The following CDC73 variants were observed in gnomAD, a reference collection of about 807,000 sequenced individuals.
CDC73 encodes the protein cell division cycle 73, also known as parafibromin.
A neutral mutation model predicts 83.7 loss-of-function variants in CDC73; 21 were observed. The ratio of observed to expected loss-of-function variants is 0.25; its 90% CI spans 0.18 to 0.36. CDC73 has a LOEUF of 0.36. Ranked by LOEUF, CDC73 falls within the 10% of genes least tolerant of loss-of-function variation. The pLI, the probability that CDC73 is intolerant of heterozygous loss-of-function variation, is 1.00. For missense variants in CDC73, 342 were observed against 653.3 expected, an observed-to-expected ratio of 0.52 and a Z score of 5.19; for synonymous variants, 224 against 212.9, an observed-to-expected ratio of 1.05 and a Z score of -0.45.
intron 3 of CDC73, among the ~76,000 whole-genome samples, chr1:193,132,005 T>C (rs920348133): frequency 1.3e-5 from 2 of 152,242 alleles, no homozygotes; most frequent in African/African-American, 4.8e-5. Flanking sequence ...TTGTTTGTCT[T>C]GTTAAATACC....
rs550094789 is a variant in CDC73, at chr1:193,222,231, G to A, written c.1154+9754G>A. On this transcript the variant is annotated intron_variant, in intron 13 of 16. Transcript: ENST00000367435. The stretch of plus-strand genomic sequence containing the variant: ...TTGGCCATGTTGGCAGCCACATGGG[G>A]CCGAGTTCCAAAGAGGAAAGATTGT... 6.0e-4 allele frequency among the ~76,000 whole-genome samples: 92 copies of A among 152,298 alleles called. No individual in the cohort carries two copies. In the Middle Eastern group the frequency reaches 0.01, roughly 17 times the overall value.
At chr1:193,132,480 C>CT (rs1051171913) in intron 3 of CDC73, among the ~76,000 whole-genome samples, 99 of 150,144 alleles carry the variant, frequency 6.6e-4, no homozygotes, top group Non-Finnish European at 1.1e-3. Context: ...ATAGAAGAAA[C>CT]TTTTTTTTTT....
intron 8 of CDC73, among the ~76,000 whole-genome samples, chr1:193,148,639 ATTTTTTT>A (rs894987430): frequency 7.0e-4 from 80 of 113,682 alleles, no homozygotes; most frequent in Admixed American, 1.3e-3. Context: ...AAAATTTATA[ATTTTTTT>A]TTTTTTTTTT....
intron 13 of CDC73, among the ~76,000 whole-genome samples, chr1:193,215,607 T>G (rs74380959): frequency 6.6e-6 from 1 of 151,904 alleles, no homozygotes; most frequent in Non-Finnish European, 1.5e-5. Flanking sequence ...TTTTTTTTTT[T>G]GAGACAGGGT....
intron 10 of CDC73, among the ~76,000 whole-genome samples, chr1:193,197,107 C>G (rs938404089): frequency 1.3e-5 from 2 of 152,082 alleles, no homozygotes; most frequent in African/African-American, 4.8e-5. Flanking sequence ...GAGGACATTG[C>G]CTTCCATTCC....
At chr1:193,159,155 G>T (rs1200713089) in intron 10 of CDC73, among the ~76,000 whole-genome samples, 3 of 152,052 alleles carry the variant, frequency 2.0e-5, no homozygotes, top group Admixed American at 6.5e-5. Context: ...TAATGTTCTG[G>T]TTATAGATTT....
intron 13 of CDC73, among the ~76,000 whole-genome samples, chr1:193,222,165 A>G (rs1677482382): frequency 6.6e-6 from 1 of 152,366 alleles, no homozygotes; most frequent in East Asian, 1.9e-4. Flanking sequence ...TTGGAACTGT[A>G]AGGTTATTTA....
intron 15 of CDC73, among the ~76,000 whole-genome samples, chr1:193,245,500 C>T (rs1677938651): frequency 6.6e-6 from 1 of 152,016 alleles, no homozygotes; most frequent in Non-Finnish European, 1.5e-5. Context: ...ACATGTATGC[C>T]ACATTTTCTT....
chr1:193,242,953 TTC>T (rs1269893031), intron 15 of CDC73, among the ~76,000 whole-genome samples: 9 of 148,256 alleles, frequency 6.1e-5, no homozygotes, highest in African/African-American at 2.3e-4. Flanking sequence ...CTTCTTCTTC[TTC>T]TTTTTTTTTT....
chr1:193,141,751 T>C, intron 6 of CDC73, 99 bp from the exon 7 acceptor site: 1 of 764,996 alleles, frequency 1.3e-6, no homozygotes, highest in Non-Finnish European at 2.3e-6. Flanking sequence ...TATTGCCATG[T>C]AAGTGTTTTT....
chr1:193,166,210 C>T (rs1001976043), intron 10 of CDC73, among the ~76,000 whole-genome samples: 6 of 152,042 alleles, frequency 3.9e-5, no homozygotes, highest in Non-Finnish European at 8.8e-5. Context: ...CTCTGTCACC[C>T]AGGCTGGAAT....
chr1:193,132,566 G>A (rs554802910), intron 3 of CDC73, among the ~76,000 whole-genome samples: 23 of 151,762 alleles, frequency 1.5e-4, no homozygotes, highest in African/African-American at 5.6e-4. Context: ...TCCTCCCTTG[G>A]CCTCCCAAAG....
intron 10 of CDC73, among the ~76,000 whole-genome samples, chr1:193,184,948 A>G (rs1676779657): frequency 6.6e-6 from 1 of 151,928 alleles, no homozygotes; most frequent in Non-Finnish European, 1.5e-5. Context: ...AGGATCTTTG[A>G]TAGATTTGTA....
chr1:193,163,160 TGTGTGTGTGTGTGTGTGG>T (rs1676371101), intron 10 of CDC73, among the ~76,000 whole-genome samples: 1 of 151,062 alleles, frequency 6.6e-6, no homozygotes, highest in South Asian at 2.1e-4. Context: ...GTTGTGTGTG[TGTGTGTGTGTGTGTGTGG>T]GTGTGTGTGT....
At chr1:193,184,176 T>C (rs1676767011) in intron 10 of CDC73, among the ~76,000 whole-genome samples, 1 of 151,896 alleles carries the variant, frequency 6.6e-6, no homozygotes. Context: ...GCTGTTGAGA[T>C]ATTAAATCCA....
At chr1:193,204,987 T>A (rs979999895) in intron 11 of CDC73, among the ~76,000 whole-genome samples, 11 of 152,136 alleles carry the variant, frequency 7.2e-5, no homozygotes, top group Non-Finnish European at 1.2e-4. Flanking sequence ...CATTTTTTTT[T>A]AAAATGTGTT....
intron 10 of CDC73, among the ~76,000 whole-genome samples, chr1:193,152,828 G>GGA (rs1676142424): frequency 6.6e-6 from 1 of 152,054 alleles, no homozygotes; most frequent in South Asian, 2.1e-4. Context: ...CGCCCAGGCT[G>GGA]GAGTGCAGTG....
chr1:193,221,357 A>G (rs1363441107), intron 13 of CDC73, among the ~76,000 whole-genome samples: 2 of 152,106 alleles, frequency 1.3e-5, no homozygotes, highest in African/African-American at 2.4e-5. Flanking sequence ...AGTTCCCATG[A>G]TGCTTCATTA....
At chr1:193,196,526 A>G (rs1677005486) in intron 10 of CDC73, among the ~76,000 whole-genome samples, 1 of 152,178 alleles carries the variant, frequency 6.6e-6, no homozygotes, top group African/African-American at 2.4e-5. Context: ...TTGAGTTTTG[A>G]TAGGGATTGT....
Sources: allele counts gnomAD v4.1 joint callset (sites outside exome capture counted in the v4.1 genomes callset), GRCh38; gene constraint gnomAD v4.1.1; transcripts MANE v1.5; gene names NCBI Gene and HGNC (gene_info 2026-07-23, HGNC 2026-07-21).